PFKFB3: variants seen among roughly 807,000 people sequenced by gnomAD.
The protein encoded by PFKFB3 is 6-phosphofructo-2-kinase/fructose-2,6-bisphosphatase 3.
In PFKFB3, 33 loss-of-function variants were observed where a neutral mutation model predicts 68.0. The ratio of observed to expected loss-of-function variants is 0.49; its 90% CI spans 0.37 to 0.65. The LOEUF is 0.65. PFKFB3 is among the 30% of genes least tolerant of loss of function. The pLI, the probability that PFKFB3 is intolerant of heterozygous loss-of-function variation, is 0.00. For synonymous variants in PFKFB3, 315 were observed against 288.2 expected, an observed-to-expected ratio of 1.09 and a Z score of -0.94; for missense variants, 586 against 712.2, an observed-to-expected ratio of 0.82 and a Z score of 2.02.
chr10:6,272,711 A>G, the PFKFB3 span, among the ~76,000 whole-genome samples: 1 of 151,986 alleles, frequency 6.6e-6, no homozygotes, highest in South Asian at 2.1e-4. Context: ...AAGAAAAAAG[A>G]AATAGGTCGA....
rs528927698 is a variant in PFKFB3 at position 6,187,555 on chromosome 10, C to T, written c.17-26068C>T. ...GCGTCTCTACAAATTACTCATTTCACGTTGGGCAGGTCTTTCGTTGTCAGC... is the reference window on the plus strand; with the variant it reads ...GCGTCTCTACAAATTACTCATTTCATGTTGGGCAGGTCTTTCGTTGTCAGC... On this transcript the variant is annotated intron_variant, in intron 1 of 14. Coordinates refer to the PFKFB3 transcript ENST00000379789. Among the ~76,000 whole-genome samples, 136 of 152,240 alleles carry T rather than the reference C, an allele frequency of 8.9e-4. 2 individuals are homozygous for T. Among genetic ancestry groups the T allele is most frequent in the African/African-American group, 3.0e-3 (126 of 41,538 alleles).
chr10:6,315,187 G>A, the PFKFB3 span, among the ~76,000 whole-genome samples: 2 of 152,138 alleles, frequency 1.3e-5, no homozygotes, highest in African/African-American at 4.8e-5. Flanking sequence ...GACTTGGCAC[G>A]AACTGCCTGA....
chr10:6,292,531 T>A, the PFKFB3 span, among the ~76,000 whole-genome samples: 1 of 151,306 alleles, frequency 6.6e-6, no homozygotes, highest in South Asian at 2.1e-4. Flanking sequence ...CCTCGTGATC[T>A]GCCCACTTCA....
the PFKFB3 span, among the ~76,000 whole-genome samples, chr10:6,275,851 G>A: frequency 6.6e-6 from 1 of 152,046 alleles, no homozygotes; most frequent in Admixed American, 6.6e-5. The surrounding 1 kb of genome is among the most constrained non-coding windows in gnomAD (Gnocchi z 4.9). Flanking sequence ...GGCTTAAGGG[G>A]TATATGGCTC....
intron 1 of PFKFB3, among the ~76,000 whole-genome samples, chr10:6,210,583 A>ACCTC (rs1421214333): frequency 2.0e-3 from 70 of 35,158 alleles, no homozygotes; most frequent in Non-Finnish European, 2.3e-3. Context: ...TAGTCTTGAT[A>ACCTC]GTGTTTTTAA....
At chr10:6,219,385 C>T (rs1364759182) in intron 6 of PFKFB3, 184 bp from the exon 7 acceptor site, 1 of 594,046 alleles carries the variant, frequency 1.7e-6, no homozygotes, top group Non-Finnish European at 3.0e-6. Flanking sequence ...GGGAATCCTC[C>T]CCATGTAACA....
At chr10:6,176,486 C>T (rs1842477193) in intron 1 of PFKFB3, among the ~76,000 whole-genome samples, 1 of 152,190 alleles carries the variant, frequency 6.6e-6, no homozygotes, top group Non-Finnish European at 1.5e-5. Context: ...TCGCTCACTG[C>T]AACCTCGAAT....
intron 1 of PFKFB3, among the ~76,000 whole-genome samples, chr10:6,171,725 A>G (rs951668761): frequency 4.6e-5 from 7 of 152,236 alleles, no homozygotes; most frequent in Non-Finnish European, 1.0e-4. Flanking sequence ...AATTTCTATC[A>G]TGTACATAAT....
the PFKFB3 span, among the ~76,000 whole-genome samples, chr10:6,302,843 C>T: frequency 6.6e-6 from 1 of 151,566 alleles, no homozygotes; most frequent in African/African-American, 2.4e-5. Flanking sequence ...TCTTTCTTGG[C>T]TTTTGCATTG....
intron 14 of PFKFB3, chr10:6,231,246 C>T (rs760811129): frequency 6.5e-7 from 1 of 1,534,490 alleles, no homozygotes; most frequent in African/African-American, 1.4e-5. Flanking sequence ...CTTCCTCTCC[C>T]CCACTCTGCT....
intron 1 of PFKFB3, chr10:6,152,148 A>G (rs2131681166): frequency 6.5e-6 from 1 of 154,530 alleles, no homozygotes; most frequent in Middle Eastern, 5.2e-4. Context: ...CAGTAAATTG[A>G]TTTCAAGGCC....
intron 1 of PFKFB3, among the ~76,000 whole-genome samples, chr10:6,192,357 TTC>T (rs1843049574): frequency 7.2e-6 from 1 of 138,848 alleles, no homozygotes; most frequent in African/African-American, 2.6e-5. Flanking sequence ...CGTTTTTTTT[TTC>T]TTTCTTCTTT....
chr10:6,244,750 C>T (rs1326799868), intron 14 of PFKFB3, among the ~76,000 whole-genome samples: 1 of 151,990 alleles, frequency 6.6e-6, no homozygotes, highest in Non-Finnish European at 1.5e-5. Flanking sequence ...CTGGAAATGC[C>T]CTCATCACCC....
upstream of PFKFB3, among the ~76,000 whole-genome samples, chr10:6,200,160 G>T (rs1241886533): frequency 6.6e-6 from 1 of 152,168 alleles, no homozygotes; most frequent in Non-Finnish European, 1.5e-5. Flanking sequence ...AGCAAGTGGG[G>T]TTGACTAGGT....
At chr10:6,188,828 ATT>A (rs35338599) in intron 1 of PFKFB3, among the ~76,000 whole-genome samples, 1,262 of 112,990 alleles carry the variant, frequency 0.011, 11 homozygotes, top group African/African-American at 0.035. Flanking sequence ...CTTCCTTTTA[ATT>A]TTTTTTTTTT....
At chr10:6,152,605 A>G (rs749872432) in intron 1 of PFKFB3, among the ~76,000 whole-genome samples, 15 of 152,222 alleles carry the variant, frequency 9.9e-5, no homozygotes, top group Admixed American at 6.5e-5. Flanking sequence ...TGCCAGGTGC[A>G]GTGGCACACA....
the PFKFB3 span, among the ~76,000 whole-genome samples, chr10:6,274,597 AGC>A: frequency 6.6e-6 from 1 of 152,336 alleles, no homozygotes; most frequent in East Asian, 1.9e-4. Flanking sequence ...CTGTAACCCC[AGC>A]ACTTTGGGAG....
chr10:6,192,771 G>T (rs1441010819), intron 1 of PFKFB3, among the ~76,000 whole-genome samples: 1 of 151,558 alleles, frequency 6.6e-6, no homozygotes, highest in East Asian at 1.9e-4. Context: ...TCATAGAGCA[G>T]CCCAGATCAG....
At chr10:6,325,965 G>A in the PFKFB3 span, among the ~76,000 whole-genome samples, 1 of 152,182 alleles carries the variant, frequency 6.6e-6, no homozygotes. Flanking sequence ...CTGCTCAGAG[G>A]TGGCTTCATA....
Sources: gnomAD v4.1 joint callset for allele counts (sites outside exome capture counted in the v4.1 genomes callset) on GRCh38, gnomAD v4.1.1 for gene constraint, Gnocchi (gnomAD v3.1) non-coding constraint, MANE v1.5 for transcripts, NCBI Gene and HGNC (gene_info 2026-07-23, HGNC 2026-07-21) for gene names.